The following WWOX variants were observed in gnomAD, a reference collection of about 807,000 sequenced individuals.
The protein encoded by WWOX is WW domain containing oxidoreductase.
WWOX carries 69 observed loss-of-function variants against 46.2 expected under a neutral mutation model. The observed-to-expected ratio is 1.49, with a 90% confidence interval of 1.23 to 1.82. The LOEUF (loss-of-function observed/expected upper bound fraction) is 1.82, where lower values mean the gene tolerates loss of function less well. WWOX is among the 40% of genes most tolerant of loss of function. The pLI, the probability that WWOX is intolerant of heterozygous loss-of-function variation, is 0.00. For missense variants in WWOX, 919 were observed against 542.6 expected, an observed-to-expected ratio of 1.69 and a Z score of -6.89; for synonymous variants, 359 against 202.6, an observed-to-expected ratio of 1.77 and a Z score of -6.56.
chr16:78,287,289 A>G (rs982513497), intron 5 of WWOX, among the ~76,000 whole-genome samples: 3 of 152,158 alleles, frequency 2.0e-5, no homozygotes, highest in African/African-American at 4.8e-5. Flanking sequence ...TGCCTAAGCA[A>G]TCTATGACAC....
chr16:78,310,869 A>T (rs1337267330), intron 5 of WWOX, among the ~76,000 whole-genome samples: 2 of 152,110 alleles, frequency 1.3e-5, no homozygotes, highest in African/African-American at 4.8e-5. Context: ...GCAGCCCCAG[A>T]CCCACCTTCG....
chr16:78,401,061 C>T (rs1445146260), intron 6 of WWOX, among the ~76,000 whole-genome samples: 3 of 152,190 alleles, frequency 2.0e-5, no homozygotes, highest in Non-Finnish European at 2.9e-5. Context: ...ATCAAGTGAT[C>T]CTCCTGCCCC....
intron 8 of WWOX, among the ~76,000 whole-genome samples, chr16:78,814,692 T>A (rs1290773331): frequency 6.6e-6 from 1 of 152,238 alleles, no homozygotes; most frequent in African/African-American, 2.4e-5. Context: ...GTCAAGGTTT[T>A]CCAATCAGGT....
chr16:78,487,629 C>T (rs979211907), intron 8 of WWOX, among the ~76,000 whole-genome samples: 1 of 152,114 alleles, frequency 6.6e-6, no homozygotes, highest in East Asian at 1.9e-4. Flanking sequence ...TGTCCTGTAT[C>T]TTGGAGATGT....
At chr16:78,830,161 C>G (rs572860538) in intron 8 of WWOX, among the ~76,000 whole-genome samples, 58 of 152,164 alleles carry the variant, frequency 3.8e-4, no homozygotes, top group African/African-American at 1.3e-3. Context: ...GCAGCAAGAG[C>G]TGCCGCAATG....
intron 8 of WWOX, among the ~76,000 whole-genome samples, chr16:79,049,425 G>A (rs1442278506): frequency 6.6e-6 from 1 of 152,196 alleles, no homozygotes; most frequent in Non-Finnish European, 1.5e-5. Flanking sequence ...GCAAAACCTT[G>A]AGGGGCATCG....
intron 8 of WWOX, among the ~76,000 whole-genome samples, chr16:79,087,165 T>C (rs1175443608): frequency 6.6e-6 from 1 of 152,192 alleles, no homozygotes; most frequent in Non-Finnish European, 1.5e-5. Context: ...TCATGAAATT[T>C]ATGGAACAGT....
rs189281872 is a variant in WWOX at position 78,940,038 on chromosome 16, C to T, written c.1057-271570C>T. Among the ~76,000 whole-genome samples the T allele has an allele frequency of 2.2e-4, 33 of 152,276 alleles. No homozygotes were observed. The South Asian group carries it at 2.5e-3, about 11-fold the overall frequency. On this transcript the variant is annotated intron_variant, in intron 8 of 8. Coordinates refer to ENST00000566780, the MANE Select transcript of WWOX (RefSeq NM_016373.4). ...TACAAAAACTGCAGGCCTGAAGCTT[C>T]TAAAAATAAACGTTACTTTCATCCC...
At chr16:78,946,981 T>C (rs1265596998) in intron 8 of WWOX, among the ~76,000 whole-genome samples, 1 of 151,900 alleles carries the variant, frequency 6.6e-6, no homozygotes, top group Non-Finnish European at 1.5e-5. Context: ...AGGCATTAAA[T>C]GGATTGTGAA....
At chr16:78,999,985 T>A (rs1014115194) in intron 8 of WWOX, among the ~76,000 whole-genome samples, 3 of 151,868 alleles carry the variant, frequency 2.0e-5, no homozygotes, top group Non-Finnish European at 2.9e-5. Context: ...AAATGAAAAA[T>A]AATGGCATCT....
chr16:79,176,460 G>C (rs866352034), intron 8 of WWOX, among the ~76,000 whole-genome samples: 2 of 152,196 alleles, frequency 1.3e-5, no homozygotes, highest in African/African-American at 2.4e-5. Flanking sequence ...ATGGATTTTT[G>C]TTAAGAAGCT....
At chr16:78,995,126 G>T (rs1165424337) in intron 8 of WWOX, among the ~76,000 whole-genome samples, 2 of 152,002 alleles carry the variant, frequency 1.3e-5, no homozygotes, top group Non-Finnish European at 2.9e-5. Flanking sequence ...TCTTGGCTCT[G>T]ATCACTCCTT....
intron 8 of WWOX, among the ~76,000 whole-genome samples, chr16:79,064,567 G>A (rs765841088): frequency 4.6e-5 from 7 of 152,190 alleles, no homozygotes; most frequent in Non-Finnish European, 7.3e-5. Flanking sequence ...GGATTCTCAT[G>A]TGGCTTATCA....
At chr16:78,478,902 T>A (rs1292671896) in intron 8 of WWOX, among the ~76,000 whole-genome samples, 5 of 152,162 alleles carry the variant, frequency 3.3e-5, no homozygotes, top group Non-Finnish European at 7.4e-5. Flanking sequence ...CATTAACTCA[T>A]TTCCAGTATT....
chr16:78,437,133 C>A (rs908020039), intron 8 of WWOX, among the ~76,000 whole-genome samples: 1 of 152,168 alleles, frequency 6.6e-6, no homozygotes, highest in African/African-American at 2.4e-5. Context: ...GAAATACAAC[C>A]CAGACTTGCG....
intron 8 of WWOX, among the ~76,000 whole-genome samples, chr16:78,904,589 C>T (rs184010391): frequency 2.0e-4 from 30 of 152,174 alleles, no homozygotes; most frequent in Non-Finnish European, 3.7e-4. Flanking sequence ...ACCCTCCCTT[C>T]CCCAGGTCAG....
chr16:78,378,101 C>T (rs1397522597), intron 5 of WWOX, among the ~76,000 whole-genome samples: 2 of 151,752 alleles, frequency 1.3e-5, no homozygotes, highest in East Asian at 3.9e-4. Flanking sequence ...TTCAAGAATC[C>T]CCCTGCGTCC....
chr16:78,541,777 G>A (rs1024970882), intron 8 of WWOX, among the ~76,000 whole-genome samples: 2 of 151,948 alleles, frequency 1.3e-5, no homozygotes, highest in East Asian at 1.9e-4. Context: ...CAATGGGTTA[G>A]GCACAGACCT....
intron 8 of WWOX, chr16:78,526,537 T>A (rs1567622928): frequency 6.6e-6 from 1 of 152,264 alleles, no homozygotes. Context: ...CCCTTTTCCA[T>A]GGGCCCAACA....
Sources: allele counts gnomAD v4.1 joint callset (sites outside exome capture counted in the v4.1 genomes callset), GRCh38; gene constraint gnomAD v4.1.1; transcripts MANE v1.5; gene names NCBI Gene and HGNC (gene_info 2026-07-23, HGNC 2026-07-21).